Variants in PRSS12 observed in about 807,000 individuals in gnomAD.
PRSS12 encodes neurotrypsin.
A neutral mutation model predicts 104.4 loss-of-function variants in PRSS12; 85 were observed. The ratio of observed to expected loss-of-function variants is 0.81; its 90% CI spans 0.68 to 0.98. The LOEUF (loss-of-function observed/expected upper bound fraction) is 0.98. Ranked by LOEUF, PRSS12 falls within the 50% of genes least tolerant of loss-of-function variation. The pLI, the probability that PRSS12 is intolerant of heterozygous loss-of-function variation, is 0.00. For synonymous variants in PRSS12, 454 were observed against 425.2 expected, an observed-to-expected ratio of 1.07 and a Z score of -0.83; for missense variants, 1,141 against 1,139.2, an observed-to-expected ratio of 1.00 and a Z score of -0.02.
At chr4:118,339,898 T>C (rs1189122329) in intron 1 of PRSS12, among the ~76,000 whole-genome samples, 1 of 152,202 alleles carries the variant, frequency 6.6e-6, no homozygotes, top group Admixed American at 6.5e-5. Flanking sequence ...CAAACTTTAT[T>C]TGAACTGATA....
chr4:118,298,658 T>C (rs1222620861), intron 9 of PRSS12, 75 bp downstream of exon 9: 3 of 1,362,590 alleles, frequency 2.2e-6, no homozygotes, highest in Non-Finnish European at 3.1e-6. Context: ...ATTTCTGTTA[T>C]CAAAGTACTG....
intron 8 of PRSS12, among the ~76,000 whole-genome samples, chr4:118,307,620 T>TA (rs1560772004): frequency 6.6e-6 from 1 of 152,136 alleles, no homozygotes; most frequent in Non-Finnish European, 1.5e-5. Flanking sequence ...GCAGAGCCAG[T>TA]AAAATTTTAA....
At chr4:118,349,255 T>C (rs1724431862) in intron 1 of PRSS12, among the ~76,000 whole-genome samples, 2 of 152,018 alleles carry the variant, frequency 1.3e-5, no homozygotes, top group African/African-American at 4.8e-5. Context: ...AAGAAAAAAA[T>C]ATGTCGGGCA....
chr4:118,316,433 C>T, intron 5 of PRSS12, 110 bp from the exon 6 acceptor site: 1 of 1,388,880 alleles, frequency 7.2e-7, no homozygotes, highest in Non-Finnish European at 1.0e-6. Context: ...CACTCTAGGC[C>T]TTTTGCTAAA....
rs777770002 is a variant in PRSS12, at chr4:118,281,930, G to A, written c.*6C>T. On this transcript the variant is annotated 3_prime_UTR_variant, in exon 13 of 13. Coordinates refer to ENST00000296498, the MANE Select transcript of PRSS12 (RefSeq NM_003619.4). ...TTAAATGCTGCTTTGAAGTTTCCAT[G>A]AAGAATTACAGTTTGGTGACACTTT... 3 of 1,175,968 alleles carry A rather than the reference G, an allele frequency of 2.6e-6. No individual in the cohort carries two copies. The highest frequency in any genetic ancestry group is 3.8e-6 in the Non-Finnish European group (3 of 779,424). 72.8% of individuals were successfully genotyped at this position (1,175,968 alleles called of 1,614,324 possible).
At chr4:118,299,712 T>TAAATTAAATAAAATA (rs1560768174) in intron 8 of PRSS12, among the ~76,000 whole-genome samples, 5 of 63,810 alleles carry the variant, frequency 7.8e-5, no homozygotes, top group Non-Finnish European at 1.6e-4. Context: ...ATAAATAAAA[T>TAAATTAAATAAAATA]AAATAAAATA....
chr4:118,345,507 C>T (rs977801440), intron 1 of PRSS12, among the ~76,000 whole-genome samples: 1 of 152,210 alleles, frequency 6.6e-6, no homozygotes, highest in Admixed American at 6.5e-5. Flanking sequence ...CTTCAAAGGA[C>T]TGCTTTCTTT....
At chr4:118,350,900 T>C (rs1724482407) in intron 1 of PRSS12, among the ~76,000 whole-genome samples, 1 of 152,206 alleles carries the variant, frequency 6.6e-6, no homozygotes, top group South Asian at 2.1e-4. Flanking sequence ...CTAAGAATAA[T>C]ATGAAGATGA....
At chr4:118,337,185 T>G (rs1724083954) in intron 2 of PRSS12, among the ~76,000 whole-genome samples, 2 of 152,202 alleles carry the variant, frequency 1.3e-5, no homozygotes, top group Non-Finnish European at 2.9e-5. Flanking sequence ...CTTCTTCATT[T>G]TGTGTCATCA....
chr4:118,300,436 T>G (rs555943631), intron 8 of PRSS12, among the ~76,000 whole-genome samples: 7 of 152,284 alleles, frequency 4.6e-5, no homozygotes, highest in African/African-American at 7.2e-5. Flanking sequence ...ACAAAAATAT[T>G]TAAATGAAAT....
intron 4 of PRSS12, among the ~76,000 whole-genome samples, chr4:118,328,982 C>T (rs2389619): frequency 0.74 from 112,801 of 151,946 alleles, 43,832 homozygotes; most frequent in South Asian, 0.89. Context: ...TTTGTAGAGA[C>T]GGGGTTTCAC....
chr4:118,297,329 T>C (rs1213336047), intron 9 of PRSS12, among the ~76,000 whole-genome samples: 1 of 152,130 alleles, frequency 6.6e-6, no homozygotes, highest in Non-Finnish European at 1.5e-5. Flanking sequence ...ATATAAATAA[T>C]GTTTTTTATG....
chr4:118,341,254 T>C (rs1390605229), intron 1 of PRSS12, among the ~76,000 whole-genome samples: 2 of 152,180 alleles, frequency 1.3e-5, no homozygotes, highest in Non-Finnish European at 2.9e-5. Flanking sequence ...AGGCCTTCAT[T>C]TGGTGATATC....
rs1008675645 is a variant in PRSS12 at position 118,285,899 on chromosome 4, C to T, written c.2040-2788G>A. On this transcript the variant is annotated intron_variant, in intron 11 of 12. Transcript: ENST00000296498. ...TCCATTCTGTAAGAAACAGCTGTGA[C>T]GCTTGGCTAAATTAATCTTTGCAGC... Among the ~76,000 whole-genome samples, 11 of 152,094 alleles carry T rather than the reference C, an allele frequency of 7.2e-5. No homozygotes were observed. The South Asian group carries it at 8.3e-4, about 11-fold the overall frequency.
rs79662867 is a variant in PRSS12, at chr4:118,285,952, A to C, written c.2040-2841T>G. On this transcript the variant is annotated intron_variant, in intron 11 of 12. Coordinates refer to ENST00000296498, the MANE Select transcript of PRSS12 (RefSeq NM_003619.4). ...AACTGGCTGTATAAATCTATTCCGC[A>C]TTATCTATAAAAATTGAGTCTTCAA... 7.8e-3 allele frequency among the ~76,000 whole-genome samples: 1,194 copies of C among 152,294 alleles called. 71 individuals are homozygous for C. In the East Asian group the frequency reaches 0.14, roughly 18 times the overall value.
At chr4:118,334,277 A>G (rs774188774) in intron 3 of PRSS12, among the ~76,000 whole-genome samples, 2 of 152,176 alleles carry the variant, frequency 1.3e-5, no homozygotes, top group Admixed American at 6.5e-5. Flanking sequence ...AATAGATTAT[A>G]GAAGGTGGAA....
At position 118,298,813 on chromosome 4, in the gene PRSS12, C is replaced by T. The variant is rs1463360163; in HGVS notation, c.1757G>A (p.Arg586Lys). 1.2e-6 allele frequency: 2 copies of T among 1,614,184 alleles called. No homozygotes were observed. The highest frequency in any genetic ancestry group is 1.7e-6 in the Non-Finnish European group (2 of 1,180,024). The change falls in exon 9 of 13, where the codon AGA (arginine) becomes AAA (lysine). Residue 586 changes from arginine to lysine, a missense_variant. Physicochemically the swap from Arg to Lys is conservative, Grantham distance 26. Coordinates refer to ENST00000296498, the MANE Select transcript of PRSS12 (RefSeq NM_003619.4). ...LADCIKQDIG[R>K]HNCRHSEDAG... is the part of the protein sequence containing the mutation. ...ATCTTCACTGTGGCGGCAGTTGTGT[C>T]TTCCAATATCTTGCTTGATACAGTC... is the stretch of plus-strand genomic sequence containing the variant.
intron 8 of PRSS12, among the ~76,000 whole-genome samples, chr4:118,299,712 TAAATAAAATAAAATA>T (rs1206224261): frequency 1.6e-5 from 1 of 63,812 alleles, no homozygotes; most frequent in African/African-American, 5.7e-5. Flanking sequence ...ATAAATAAAA[TAAATAAAATAAAATA>T]AAATAAAATA....
At position 118,280,374 on chromosome 4, in the gene PRSS12, A is replaced by G. The variant is rs189205524; in HGVS notation, c.*1562T>C. 2.5e-4 allele frequency: 34 copies of G among 135,656 alleles called. No homozygotes were observed. The East Asian group carries it at 5.1e-3, about 20-fold the overall frequency. The allele number at this position is 135,656 out of a possible 1,614,324, so 8.4% of individuals were successfully genotyped here. A position where few individuals can be genotyped will look rare whatever the true frequency, so the allele number is the denominator to read the frequency against. On this transcript the variant is annotated 3_prime_UTR_variant, in exon 13 of 13. Coordinates refer to ENST00000296498, the MANE Select transcript of PRSS12 (RefSeq NM_003619.4). ...TATTTACATATAAACGCTACTTTAA[A>G]AGTTTATCAAAATCATGAGTTTTTA...
Sources: gnomAD v4.1 joint callset for allele counts (sites outside exome capture counted in the v4.1 genomes callset) on GRCh38, gnomAD v4.1.1 for gene constraint, MANE v1.5 for transcripts, NCBI Gene and HGNC (gene_info 2026-07-23, HGNC 2026-07-21) for gene names.